Variants in DST observed in about 807,000 individuals in gnomAD.
The protein encoded by DST is dystonin, also known as bullous pemphigoid antigen.
A neutral mutation model predicts 875.2 loss-of-function variants in DST; 253 were observed. That is an observed-to-expected ratio of 0.29 (90% CI 0.26 to 0.32). DST has a LOEUF of 0.32. Among genes scored for constraint, DST ranks in the 10% least tolerant of loss-of-function variants. DST has a pLI of 1.00. For synonymous variants in DST, 3,124 were observed against 3,197.1 expected (o/e 0.98, Z 0.77); for missense variants, 8,287 against 9,111.6 (o/e 0.91, Z 3.68).
At position 56,517,260 on chromosome 6, in the gene DST, G is replaced by A. The variant is rs1392938224; in HGVS notation, c.18295C>T (p.Leu6099Phe). 9 of 1,612,878 alleles carry A rather than the reference G, an allele frequency of 5.6e-6. No individual in the cohort carries two copies. Among genetic ancestry groups the A allele is most frequent in the Non-Finnish European group, 7.6e-6 (9 of 1,179,498 alleles). ...ATGATTTTATGCCCAGATTTAACAA[G>A]GTCATCAATAATATCCTTGTGTCTC... ...ILRHKDIIDD[L>F]VKSGHKIMTA... Residue 6099 changes from leucine (L) to phenylalanine (F), a missense_variant, in exon 71 of 104, where the codon CTT becomes TTT. Physicochemically the swap from Leu to Phe is conservative, Grantham distance 22. Transcript: ENST00000680361.
intron 49 of DST, among the ~76,000 whole-genome samples, chr6:56,585,659 C>T (rs1324062625): frequency 1.3e-5 from 2 of 151,842 alleles, no homozygotes; most frequent in African/African-American, 2.4e-5. Flanking sequence ...TTTGCTCTTG[C>T]TTTTCTAGTT....
At chr6:56,620,251 T>A in intron 36 of DST, 1 of 1,614,092 alleles carries the variant, frequency 6.2e-7, no homozygotes, top group South Asian at 1.1e-5. Flanking sequence ...CATTGAGACT[T>A]AAATCTTTTC....
At chr6:56,795,176 T>C (rs531860156) in intron 4 of DST, among the ~76,000 whole-genome samples, 1 of 152,072 alleles carries the variant, frequency 6.6e-6, no homozygotes, top group African/African-American at 2.4e-5. Context: ...TACTGCATCC[T>C]TAAATACAAA....
At chr6:56,676,127 G>T (rs918550653) in intron 9 of DST, among the ~76,000 whole-genome samples, 2 of 151,980 alleles carry the variant, frequency 1.3e-5, no homozygotes, top group Admixed American at 1.3e-4. Context: ...AGTGCAGTGG[G>T]GCAATCTCAG....
chr6:56,641,600 A>C (rs543462025), intron 17 of DST, among the ~76,000 whole-genome samples: 1 of 152,306 alleles, frequency 6.6e-6, no homozygotes, highest in East Asian at 1.9e-4. Context: ...AGAACAAAAA[A>C]CAGACACTTT....
intron 4 of DST, among the ~76,000 whole-genome samples, chr6:56,764,870 T>C (rs551643135): frequency 9.2e-5 from 14 of 151,876 alleles, no homozygotes; most frequent in African/African-American, 2.7e-4. Context: ...GGCAGGAGAA[T>C]TGCTTGAACA....
chr6:56,525,332 A>G (rs2096778485), intron 69 of DST, among the ~76,000 whole-genome samples: 1 of 152,198 alleles, frequency 6.6e-6, no homozygotes, highest in Admixed American at 6.6e-5. Context: ...GTTTAAACAG[A>G]GTCACACAAA....
At chr6:56,798,433 C>T (rs933225813) in intron 4 of DST, among the ~76,000 whole-genome samples, 12 of 152,036 alleles carry the variant, frequency 7.9e-5, no homozygotes, top group Non-Finnish European at 1.5e-4. Context: ...TGGATGACAG[C>T]GTATCTGTTT....
At chr6:56,734,975 C>T in intron 5 of DST, 2 of 343,986 alleles carry the variant, frequency 5.8e-6, no homozygotes, top group East Asian at 1.2e-4. Context: ...TTTATAGATT[C>T]CAATAGTAAC....
chr6:56,952,029 A>G (rs1822620485), intron 2 of DST, among the ~76,000 whole-genome samples: 1 of 152,152 alleles, frequency 6.6e-6, no homozygotes, highest in Non-Finnish European at 1.5e-5. Flanking sequence ...TATACAAGGC[A>G]CTGAGCCAAA....
intron 55 of DST, among the ~76,000 whole-genome samples, chr6:56,564,434 CTT>C (rs1335463951): frequency 3.3e-5 from 5 of 152,198 alleles, no homozygotes; most frequent in Non-Finnish European, 2.9e-5. Flanking sequence ...TATCCTGAGA[CTT>C]TGCTGAAGTT....
chr6:56,629,655 G>A (rs531029898), intron 31 of DST, among the ~76,000 whole-genome samples: 51 of 151,918 alleles, frequency 3.4e-4, no homozygotes, highest in Middle Eastern at 3.4e-3. Context: ...ATTTTATAAC[G>A]TTCAGCCTAA....
chr6:56,884,516 G>A (rs1783713966), intron 3 of DST, among the ~76,000 whole-genome samples: 1 of 152,172 alleles, frequency 6.6e-6, no homozygotes, highest in Non-Finnish European at 1.5e-5. Context: ...AGACGCATAT[G>A]TGTGGTTGTC....
At chr6:56,725,659 C>T (rs1364813455) in intron 5 of DST, among the ~76,000 whole-genome samples, 2 of 152,178 alleles carry the variant, frequency 1.3e-5, no homozygotes, top group African/African-American at 4.8e-5. Context: ...TAGTATATGG[C>T]TTCTTGAGCA....
At chr6:56,921,656 T>C (rs1234123905) in intron 2 of DST, among the ~76,000 whole-genome samples, 1 of 152,198 alleles carries the variant, frequency 6.6e-6, no homozygotes, top group African/African-American at 2.4e-5. Context: ...AAATCTGTTT[T>C]ACATAATATA....
In DST at chr6:56,662,281, A is replaced by T. The variant is rs566609561; in HGVS notation, c.1214+8360T>A. On this transcript the variant is annotated intron_variant, in intron 10 of 103. Transcript: ENST00000680361. ...AAATGTAATACCCTTTGTCCCAGCA[A>T]TTCCACTTCCAGGACCTTATCCTAT... 4.6e-5 allele frequency among the ~76,000 whole-genome samples: 7 copies of T among 152,302 alleles called. No homozygotes were observed. In the East Asian group the frequency reaches 1.4e-3, roughly 29 times the overall value.
chr6:56,506,687 C>T lies in DST; in HGVS notation c.19342G>A (p.Val6448Ile). ...TGTACCTCATCTATACTCTTCTTGA[C>T]AATGGGTTTATCAGGCTCCCCACAT... is the stretch of plus-strand genomic sequence containing the variant. ...AACGEPDKPI[V>I]KKSIDELNSA... is the part of the protein sequence containing the mutation. The change falls in exon 76 of 104, where the codon GTC (valine) becomes ATC (isoleucine). Residue 6448 changes from valine to isoleucine, a missense_variant. Physicochemically the swap from Val to Ile is conservative, Grantham distance 29 (BLOSUM62 3). Around this residue, in one of 10 missense-constraint regions of DST, gnomAD observed 1,292 missense variants for 1,552.7 expected, o/e 0.83. Transcript: ENST00000680361. The T allele has an allele frequency of 2.5e-6, 4 of 1,613,636 alleles. No individual in the cohort carries two copies. The highest frequency in any genetic ancestry group is 2.5e-6 in the Non-Finnish European group (3 of 1,179,684).
intron 5 of DST, 32 bp from the exon 6 acceptor site, chr6:56,704,401 A>G (rs747266285): frequency 2.0e-6 from 2 of 1,012,000 alleles, no homozygotes; most frequent in Non-Finnish European, 3.0e-6. Flanking sequence ...TTGGGGTCCT[A>G]GAACTCAGAA....
chr6:56,503,807 A>G (rs1474289625), intron 78 of DST, among the ~76,000 whole-genome samples, 190 bp downstream of exon 78: 1 of 152,174 alleles, frequency 6.6e-6, no homozygotes, highest in Non-Finnish European at 1.5e-5. Flanking sequence ...AACTATTAAT[A>G]GTATTTCTTT....
Sources: gnomAD v4.1 joint callset for allele counts (sites outside exome capture counted in the v4.1 genomes callset) on GRCh38, gnomAD v4.1.1 for gene constraint, gnomAD v4.1.1 regional missense constraint, MANE v1.5 for transcripts, NCBI Gene and HGNC (gene_info 2026-07-23, HGNC 2026-07-21) for gene names.